The following C3orf70 variants were observed in gnomAD, a reference collection of about 807,000 sequenced individuals.
C3orf70 encodes chromosome 3 open reading frame 70, also known as UPF0524 protein C3orf70.
A neutral mutation model predicts 20.7 loss-of-function variants in C3orf70; 15 were observed. That is an observed-to-expected ratio of 0.72 (90% CI 0.48 to 1.11). C3orf70 has a LOEUF of 1.11. Among genes scored for constraint, C3orf70 ranks in the 50% most tolerant of loss-of-function variants. C3orf70 has a pLI of 0.00. For synonymous variants in C3orf70, 161 were observed against 125.7 expected (o/e 1.28, Z -1.88); for missense variants, 332 against 317.6 (o/e 1.05, Z -0.34).
intron 1 of C3orf70, among the ~76,000 whole-genome samples, chr3:185,133,899 G>A (rs753684149): frequency 5.9e-5 from 9 of 152,068 alleles, no homozygotes; most frequent in Non-Finnish European, 1.0e-4. Context: ...GACCATTCTG[G>A]GCAACATGGT....
At chr3:185,130,242 A>G (rs1163424731) in intron 1 of C3orf70, among the ~76,000 whole-genome samples, 1 of 152,100 alleles carries the variant, frequency 6.6e-6, no homozygotes, top group African/African-American at 2.4e-5. Context: ...CAAGGTCAGG[A>G]GTTCGAGACC....
Position 185,077,485 on chromosome 3 carries a change from T to C in C3orf70, c.*5522A>G, listed in dbSNP as rs1185622467. ...TGCATAGAAAGCTTAAGGTAGCCAT[T>C]GAACTATAATTAATATTAACAAGGA... On this transcript the variant is annotated 3_prime_UTR_variant, in exon 2 of 2. Coordinates refer to ENST00000335012, the MANE Select transcript of C3orf70 (RefSeq NM_001025266.3). Among the ~76,000 whole-genome samples the C allele has an allele frequency of 6.6e-6, 1 of 152,206 alleles. No individual in the cohort carries two copies. The highest frequency in any genetic ancestry group is 1.5e-5 in the Non-Finnish European group (1 of 68,036).
chr3:185,118,564 C>T (rs1351134358), intron 1 of C3orf70, among the ~76,000 whole-genome samples: 2 of 152,128 alleles, frequency 1.3e-5, no homozygotes, highest in African/African-American at 4.8e-5. Context: ...CACTTTGTAA[C>T]ACAGCCTCAC....
intron 1 of C3orf70, among the ~76,000 whole-genome samples, chr3:185,108,220 T>C (rs921406196): frequency 2.2e-4 from 34 of 152,220 alleles, no homozygotes; most frequent in Non-Finnish European, 5.9e-5. Flanking sequence ...CAATTGAAGG[T>C]GCTGAAAATG....
chr3:185,095,380 C>G (rs554559424), intron 1 of C3orf70, among the ~76,000 whole-genome samples: 10 of 152,320 alleles, frequency 6.6e-5, no homozygotes, highest in African/African-American at 2.4e-4. Flanking sequence ...CTCTAGCACA[C>G]AGCTGTAGAG....
At chr3:185,135,320 C>A (rs2108603846) in intron 1 of C3orf70, among the ~76,000 whole-genome samples, 1 of 152,190 alleles carries the variant, frequency 6.6e-6, no homozygotes, top group Admixed American at 6.5e-5. Flanking sequence ...TTGGCAAAGA[C>A]AAGAAGTATA....
intron 1 of C3orf70, among the ~76,000 whole-genome samples, chr3:185,117,567 G>A (rs1716207506): frequency 6.6e-6 from 1 of 152,064 alleles, no homozygotes; most frequent in African/African-American, 2.4e-5. Context: ...ACTTAGCAAA[G>A]AAACAAGTAG....
At chr3:185,150,014 GT>G (rs200946701) in intron 1 of C3orf70, among the ~76,000 whole-genome samples, 3 of 151,072 alleles carry the variant, frequency 2.0e-5, no homozygotes, top group African/African-American at 4.9e-5. Context: ...CTAATTTCTT[GT>G]TTTTTTTTAA....
intron 1 of C3orf70, among the ~76,000 whole-genome samples, chr3:185,150,608 G>A (rs898267964): frequency 1.3e-5 from 2 of 152,178 alleles, no homozygotes; most frequent in African/African-American, 4.8e-5. Flanking sequence ...AGCAAGCTCA[G>A]TATGTGATGA....
In C3orf70 at chr3:185,090,037, T is replaced by C. The variant is rs139149072; in HGVS notation, c.197-6474A>G. Among the ~76,000 whole-genome samples, 205 of 152,302 alleles carry C rather than the reference T, an allele frequency of 1.3e-3. 1 individual carries two copies. Among genetic ancestry groups the C allele is most frequent in the East Asian group, 1.2e-3 (6 of 5,192 alleles). On this transcript the variant is annotated intron_variant, in intron 1 of 1. Transcript: ENST00000335012. Reference sequence around the variant, plus strand: ...AAAGAGTTATTACATTCTCAAACTCTTATAACAAGATAGGAGTCAATTCTT... The same window carrying C: ...AAAGAGTTATTACATTCTCAAACTCCTATAACAAGATAGGAGTCAATTCTT...
chr3:185,094,789 C>A (rs1425684915), intron 1 of C3orf70, among the ~76,000 whole-genome samples: 1 of 152,138 alleles, frequency 6.6e-6, no homozygotes, highest in East Asian at 1.9e-4. Context: ...AGCTATTCTG[C>A]AGAGCTAGCT....
intron 1 of C3orf70, among the ~76,000 whole-genome samples, chr3:185,099,801 C>T (rs557354756): frequency 6.6e-6 from 1 of 152,314 alleles, no homozygotes; most frequent in South Asian, 2.1e-4. Flanking sequence ...CATTATTATG[C>T]TGTCTTCAAG....
chr3:185,108,656 C>T (rs1715997205), intron 1 of C3orf70, among the ~76,000 whole-genome samples: 1 of 152,246 alleles, frequency 6.6e-6, no homozygotes, highest in South Asian at 2.1e-4. Flanking sequence ...CCTCTAGTCT[C>T]AAACACAGAT....
At chr3:185,139,214 G>A (rs1378983947) in intron 1 of C3orf70, among the ~76,000 whole-genome samples, 2 of 151,530 alleles carry the variant, frequency 1.3e-5, no homozygotes, top group African/African-American at 4.9e-5. Flanking sequence ...GAGGAAGAAG[G>A]GGCAAGAAAG....
intron 1 of C3orf70, among the ~76,000 whole-genome samples, chr3:185,114,625 A>G (rs1716140099): frequency 6.6e-6 from 1 of 152,234 alleles, no homozygotes; most frequent in African/African-American, 2.4e-5. Context: ...TAAAAATTAA[A>G]ACAACAATTA....
In C3orf70 at chr3:185,125,797, A is replaced by T. The variant is rs111570872; in HGVS notation, c.196+26831T>A. Among the ~76,000 whole-genome samples, 418 of 152,340 alleles carry T rather than the reference A, an allele frequency of 2.7e-3. 2 individuals are homozygous for T. The highest frequency in any genetic ancestry group is 8.8e-3 in the African/African-American group (366 of 41,586). ...GAATATTATAAAAAGTATAATAAAA[A>T]GGTTGCATATCATATGATTCCATGT... On this transcript the variant is annotated intron_variant, in intron 1 of 1. Transcript: ENST00000335012.
chr3:185,083,449 T>G lies in C3orf70; in HGVS notation c.311A>C (p.His104Pro). ...GAAGACAGATGCAAATTTCAAAAAGTGTTCGGTGAGCGAGACTGAGATCTG... is the reference window on the plus strand; with the variant it reads ...GAAGACAGATGCAAATTTCAAAAAGGGTTCGGTGAGCGAGACTGAGATCTG... ...TIQISVSLTEHFLKFASVFQP... is the reference protein window; with the variant it reads ...TIQISVSLTEPFLKFASVFQP... The change falls in exon 2 of 2, where the codon CAC becomes CCC. Residue 104 changes from histidine (H) to proline (P), a missense_variant. Coordinates refer to ENST00000335012, the MANE Select transcript of C3orf70 (RefSeq NM_001025266.3). The G allele has an allele frequency of 2.5e-6, 4 of 1,614,074 alleles. No individual in the cohort carries two copies. The highest frequency in any genetic ancestry group is 3.4e-6 in the Non-Finnish European group (4 of 1,180,022).
At chr3:185,093,992 C>T (rs939538248) in intron 1 of C3orf70, among the ~76,000 whole-genome samples, 1 of 151,042 alleles carries the variant, frequency 6.6e-6, no homozygotes, top group Non-Finnish European at 1.5e-5. Flanking sequence ...AACCTATGCA[C>T]ATCCTTCTGT....
At chr3:185,102,006 A>G (rs1354570986) in intron 1 of C3orf70, among the ~76,000 whole-genome samples, 1 of 152,200 alleles carries the variant, frequency 6.6e-6, no homozygotes, top group East Asian at 1.9e-4. Flanking sequence ...CTTAATGAAA[A>G]CCAACACAAG....
Sources: allele counts gnomAD v4.1 joint callset (sites outside exome capture counted in the v4.1 genomes callset), GRCh38; gene constraint gnomAD v4.1.1; transcripts MANE v1.5; gene names NCBI Gene and HGNC (gene_info 2026-07-23, HGNC 2026-07-21).